The following ITGA1 variants were observed in gnomAD, a reference collection of about 807,000 sequenced individuals.
ITGA1 encodes the protein integrin alpha-1.
A neutral mutation model predicts 145.9 loss-of-function variants in ITGA1; 85 were observed. The observed-to-expected ratio is 0.58, with a 90% CI of 0.49 to 0.70. The LOEUF (loss-of-function observed/expected upper bound fraction) is 0.70. Ranked by LOEUF, ITGA1 falls within the 30% of genes least tolerant of loss-of-function variation. ITGA1 has a pLI of 0.00. For missense variants in ITGA1, 1,351 were observed against 1,418.7 expected, an observed-to-expected ratio of 0.95 and a Z score of 0.77; for synonymous variants, 520 against 495.3, an observed-to-expected ratio of 1.05 and a Z score of -0.66.
chr5:52,897,198 C>A (rs1750239735), intron 9 of ITGA1, among the ~76,000 whole-genome samples: 1 of 152,146 alleles, frequency 6.6e-6, no homozygotes. Flanking sequence ...ATGGAGATTT[C>A]TCAACCCCTC....
chr5:52,952,220 G>A (rs558571440), intron 28 of ITGA1, among the ~76,000 whole-genome samples, 187 bp from the exon 29 acceptor site: 14 of 150,566 alleles, frequency 9.3e-5, no homozygotes, highest in Middle Eastern at 3.4e-3. Context: ...AAAAGAAACA[G>A]CAATTTAATA....
At chr5:52,827,050 C>T (rs1199531787) in intron 1 of ITGA1, among the ~76,000 whole-genome samples, 2 of 151,450 alleles carry the variant, frequency 1.3e-5, no homozygotes, top group Admixed American at 6.6e-5. Context: ...AATTGAAAAC[C>T]TCCTGGAAAG....
rs146737755 is a variant in ITGA1 at position 52,845,331 on chromosome 5, C to G, written c.62-4034C>G. Among the ~76,000 whole-genome samples the G allele has an allele frequency of 8.3e-4, 126 of 152,230 alleles. 1 individual carries two copies. Among genetic ancestry groups the G allele is most frequent in the African/African-American group, 2.7e-3 (113 of 41,540 alleles). ...TGAGTATTTTTTATTTAGATAACTT[C>G]CATTACCTGTATTGACATTATGAAA... On this transcript the variant is annotated intron_variant, in intron 1 of 28. Transcript: ENST00000282588.
chr5:52,807,850 C>A (rs1409313229), intron 1 of ITGA1, among the ~76,000 whole-genome samples: 1 of 152,126 alleles, frequency 6.6e-6, no homozygotes, highest in African/African-American at 2.4e-5. Flanking sequence ...TTTAAACCTA[C>A]AATTAAGTCA....
At chr5:52,914,668 G>T (rs553362432) in intron 14 of ITGA1, among the ~76,000 whole-genome samples, 1 of 151,938 alleles carries the variant, frequency 6.6e-6, no homozygotes, top group South Asian at 2.1e-4. Flanking sequence ...GTTTCCATTT[G>T]GTTTGCCTTA....
chr5:52,846,119 G>A (rs749677834), intron 1 of ITGA1, among the ~76,000 whole-genome samples: 51 of 152,068 alleles, frequency 3.4e-4, no homozygotes, highest in Admixed American at 1.8e-3. Context: ...GCACAATGGC[G>A]GCCGGGCGCA....
chr5:52,807,101 TATA>T (rs2111677523), intron 1 of ITGA1, among the ~76,000 whole-genome samples: 1 of 152,354 alleles, frequency 6.6e-6, no homozygotes, highest in Admixed American at 6.5e-5. Context: ...GCCTGTTTTC[TATA>T]ATGTCAGAGA....
intron 1 of ITGA1, among the ~76,000 whole-genome samples, chr5:52,812,789 C>CTTTTTTTTTTT (rs61600951): frequency 2.3e-5 from 2 of 86,116 alleles, no homozygotes; most frequent in Non-Finnish European, 2.1e-5. Flanking sequence ...CTTCTTATCG[C>CTTTTTTTTTTT]TTTTTTTTTT....
intron 6 of ITGA1, among the ~76,000 whole-genome samples, chr5:52,878,711 G>C (rs1365774785): frequency 2.0e-5 from 3 of 152,162 alleles, no homozygotes; most frequent in African/African-American, 7.2e-5. Context: ...GTGTTTGACA[G>C]CGCTCAAATA....
At chr5:52,907,591 T>C (rs1014075492) in intron 12 of ITGA1, among the ~76,000 whole-genome samples, 1 of 152,166 alleles carries the variant, frequency 6.6e-6, no homozygotes, top group African/African-American at 2.4e-5. Flanking sequence ...CCTCAAGCAA[T>C]TTAGATATTT....
chr5:52,907,683 A>T (rs1291048202), intron 12 of ITGA1, among the ~76,000 whole-genome samples: 2 of 152,178 alleles, frequency 1.3e-5, no homozygotes, highest in African/African-American at 4.8e-5. Context: ...CCAGTAAAGT[A>T]AAATCAAAAT....
intron 1 of ITGA1, among the ~76,000 whole-genome samples, chr5:52,828,187 T>TACAC (rs1749000080): frequency 1.3e-5 from 2 of 152,212 alleles, no homozygotes; most frequent in Non-Finnish European, 2.9e-5. Flanking sequence ...ATTGTTGACT[T>TACAC]GTAGGGCAAC....
At chr5:52,849,560 C>T in intron 2 of ITGA1, 75 bp downstream of exon 2, 7 of 1,249,846 alleles carry the variant, frequency 5.6e-6, no homozygotes, top group Admixed American at 4.6e-5. Context: ...ACTACAGTTT[C>T]TTTTATGAAT....
rs1206971032 is a variant in ITGA1, at chr5:52,910,356, T to C, written c.1794T>C (p.Asp598=). 6.2e-7 allele frequency: 1 copy of C among 1,613,774 alleles called. No homozygotes were observed. ...TGATAGGAGCTCCGCTGGAAGATGA[T>C]CACGGGGGAGCTGTGTACATTTATC... ...DIVIGAPLED[D]HGGAVYIYHG... Residue 598 remains aspartate, a synonymous_variant, in exon 14 of 29, where the codon GAT becomes GAC. Transcript: ENST00000282588.
At chr5:52,875,413 A>G (rs867557146) in intron 6 of ITGA1, among the ~76,000 whole-genome samples, 1 of 152,176 alleles carries the variant, frequency 6.6e-6, no homozygotes, top group Admixed American at 6.5e-5. Context: ...ATTCATAGCC[A>G]ATTGTGTACC....
intron 20 of ITGA1, 51 bp downstream of exon 20, chr5:52,927,715 T>G: frequency 3.6e-6 from 4 of 1,100,934 alleles, no homozygotes; most frequent in Non-Finnish European, 5.5e-6. Flanking sequence ...AAAAGTAATA[T>G]GTGCAAAGAC....
intron 15 of ITGA1, among the ~76,000 whole-genome samples, chr5:52,917,903 A>G (rs1436479825): frequency 6.6e-6 from 1 of 152,228 alleles, no homozygotes; most frequent in Non-Finnish European, 1.5e-5. Context: ...GCAAAAGCAT[A>G]AGTAGTGACC....
chr5:52,856,565 G>T (rs1250174224), intron 2 of ITGA1, among the ~76,000 whole-genome samples: 1 of 151,922 alleles, frequency 6.6e-6, no homozygotes, highest in South Asian at 2.1e-4. Context: ...ACAGACCTAC[G>T]TATGCCTTAT....
At chr5:52,883,257 T>A (rs189047436) in intron 7 of ITGA1, among the ~76,000 whole-genome samples, 14 of 152,358 alleles carry the variant, frequency 9.2e-5, no homozygotes, top group Non-Finnish European at 1.9e-4. Flanking sequence ...CCTCTGAGCC[T>A]GTAGGGAGCT....
Sources: gnomAD v4.1 joint callset for allele counts (sites outside exome capture counted in the v4.1 genomes callset) on GRCh38, gnomAD v4.1.1 for gene constraint, MANE v1.5 for transcripts, NCBI Gene and HGNC (gene_info 2026-07-23, HGNC 2026-07-21) for gene names.